Variants in PAX5 observed in about 807,000 individuals in gnomAD.
The protein encoded by PAX5 is paired box protein Pax-5.
Under a neutral mutation model 43.7 loss-of-function variants are expected in PAX5, and 9 were observed. That is an observed-to-expected ratio of 0.21 (90% confidence interval 0.12 to 0.36). PAX5 has a LOEUF of 0.36. PAX5 is among the 10% of genes least tolerant of loss of function. PAX5 has a pLI of 1.00. For synonymous variants in PAX5, 228 were observed against 214.3 expected (o/e 1.06, Z -0.56); for missense variants, 383 against 532.7 (o/e 0.72, Z 2.77).
chr9:36,958,352 T>A (rs1452512665), intron 6 of PAX5, among the ~76,000 whole-genome samples: 2 of 151,614 alleles, frequency 1.3e-5, no homozygotes, highest in Non-Finnish European at 2.9e-5. Context: ...TGGTGGACAA[T>A]GAGAAGAACA....
At chr9:36,888,858 A>G (rs1827130907) in intron 7 of PAX5, among the ~76,000 whole-genome samples, 1 of 152,216 alleles carries the variant, frequency 6.6e-6, no homozygotes, top group Non-Finnish European at 1.5e-5. Context: ...CGTTGCCTCC[A>G]GAGCCAAATC....
At chr9:36,925,188 T>G (rs1278566951) in intron 6 of PAX5, among the ~76,000 whole-genome samples, 2 of 151,948 alleles carry the variant, frequency 1.3e-5, no homozygotes, top group Non-Finnish European at 2.9e-5. Flanking sequence ...TGACTGGGGG[T>G]GATGGCAGCA....
intron 8 of PAX5, among the ~76,000 whole-genome samples, chr9:36,856,370 G>A (rs775868727): frequency 2.0e-5 from 3 of 152,190 alleles, no homozygotes; most frequent in African/African-American, 4.8e-5. Flanking sequence ...CACCGTGCAG[G>A]TCCCATGAGT....
intron 7 of PAX5, among the ~76,000 whole-genome samples, chr9:36,912,283 G>A (rs1829359603): frequency 6.6e-6 from 1 of 152,230 alleles, no homozygotes; most frequent in African/African-American, 2.4e-5. Context: ...GCCAAGCACT[G>A]TGCTAAGCAC....
chr9:37,019,372 G>A (rs79844349), intron 2 of PAX5, among the ~76,000 whole-genome samples: 2,651 of 152,140 alleles, frequency 0.017, 76 homozygotes, highest in African/African-American at 0.059. Context: ...AAACAGGAGT[G>A]AAGCCCACAG....
At chr9:36,979,254 T>C (rs1835710591) in intron 5 of PAX5, among the ~76,000 whole-genome samples, 2 of 152,238 alleles carry the variant, frequency 1.3e-5, no homozygotes, top group South Asian at 4.2e-4. Context: ...CTTTTGTGTA[T>C]GTCTGTGGTG....
chr9:36,972,887 G>A (rs1379129693), intron 5 of PAX5, among the ~76,000 whole-genome samples: 1 of 151,878 alleles, frequency 6.6e-6, no homozygotes. Context: ...AATTAGCCAG[G>A]CGTGGTGGCG....
At chr9:37,000,804 C>T (rs1254785386) in intron 5 of PAX5, among the ~76,000 whole-genome samples, 1 of 152,184 alleles carries the variant, frequency 6.6e-6, no homozygotes, top group African/African-American at 2.4e-5. Context: ...GGTGAAATCA[C>T]CTCTGCATCA....
At chr9:37,026,374 G>C (rs1291775168) in intron 1 of PAX5, among the ~76,000 whole-genome samples, 1 of 152,382 alleles carries the variant, frequency 6.6e-6, no homozygotes, top group Non-Finnish European at 1.5e-5. Flanking sequence ...CAAGTGCGTT[G>C]TTTCAGGTCC....
chr9:37,004,045 C>A (rs1429947616), intron 4 of PAX5, among the ~76,000 whole-genome samples: 1 of 152,258 alleles, frequency 6.6e-6, no homozygotes, highest in Non-Finnish European at 1.5e-5. Context: ...AACTGAGGCT[C>A]CACAGGGAAA....
intron 8 of PAX5, among the ~76,000 whole-genome samples, chr9:36,863,893 G>A (rs1325498051): frequency 1.3e-5 from 2 of 152,190 alleles, no homozygotes; most frequent in African/African-American, 2.4e-5. Flanking sequence ...GGCGGATCAG[G>A]AGGTCAGGAG....
At chr9:36,943,467 T>G (rs574866991) in intron 6 of PAX5, among the ~76,000 whole-genome samples, 3 of 151,820 alleles carry the variant, frequency 2.0e-5, no homozygotes, top group Non-Finnish European at 2.9e-5. Context: ...ATAAAGCTGA[T>G]CTTACTTGCT....
At chr9:36,865,628 G>C (rs1191693386) in intron 8 of PAX5, among the ~76,000 whole-genome samples, 1 of 152,148 alleles carries the variant, frequency 6.6e-6, no homozygotes, top group Non-Finnish European at 1.5e-5. Context: ...AAGATAATCA[G>C]GAGACCCCAC....
intron 8 of PAX5, among the ~76,000 whole-genome samples, chr9:36,862,184 A>T (rs73648155): frequency 0.01 from 1,532 of 152,274 alleles, 25 homozygotes; most frequent in African/African-American, 0.035. Flanking sequence ...AGCCATAAAA[A>T]TGGGTCCCTA....
chr9:36,841,823 G>T (rs1339939197), intron 9 of PAX5, among the ~76,000 whole-genome samples: 1 of 152,246 alleles, frequency 6.6e-6, no homozygotes, highest in African/African-American at 2.4e-5. Context: ...CCTGACACAG[G>T]TTAATATTCA....
chr9:36,875,738 C>T (rs1825855185), intron 8 of PAX5, among the ~76,000 whole-genome samples: 1 of 152,028 alleles, frequency 6.6e-6, no homozygotes. Context: ...GAGGGGCAGC[C>T]GGATAAAGAC....
At chr9:36,884,874 C>T (rs561352196) in intron 7 of PAX5, among the ~76,000 whole-genome samples, 1 of 152,364 alleles carries the variant, frequency 6.6e-6, no homozygotes, top group Non-Finnish European at 1.5e-5. Context: ...TCAGGTCCCC[C>T]TCTCCCAGCC....
intron 6 of PAX5, among the ~76,000 whole-genome samples, chr9:36,927,710 T>TCC (rs1477274387): frequency 1.0e-5 from 1 of 98,792 alleles, no homozygotes; most frequent in Admixed American, 9.4e-5. Flanking sequence ...CTTTTTCTTT[T>TCC]TCTTTTTTTT....
chr9:36,839,481 G>A lies in PAX5; in HGVS notation c.*1079C>T. 4.3e-6 allele frequency: 1 copy of A among 233,460 alleles called. No homozygotes were observed. The highest frequency in any genetic ancestry group is 8.5e-6 in the Non-Finnish European group (1 of 118,154). 14.5% of individuals were successfully genotyped at this position (233,460 alleles called of 1,614,324 possible). ...TAGGCTGTTTGTGATCTGGGTGTGGGGGAAAGTCCTCTGTGTTAATTATTG... is the reference window on the plus strand; with the variant it reads ...TAGGCTGTTTGTGATCTGGGTGTGGAGGAAAGTCCTCTGTGTTAATTATTG... On this transcript the variant is annotated 3_prime_UTR_variant, in exon 10 of 10. Transcript: ENST00000358127.
Sources: gnomAD v4.1 joint callset for allele counts (sites outside exome capture counted in the v4.1 genomes callset) on GRCh38, gnomAD v4.1.1 for gene constraint, MANE v1.5 for transcripts, NCBI Gene and HGNC (gene_info 2026-07-23, HGNC 2026-07-21) for gene names.